The following DCAF6 variants were observed in gnomAD, a reference collection of about 807,000 sequenced individuals.
DCAF6 encodes DDB1 and CUL4 associated factor 6.
A neutral mutation model predicts 125.1 loss-of-function variants in DCAF6; 54 were observed. The ratio of observed to expected loss-of-function variants is 0.43; its 90% CI spans 0.35 to 0.54. The LOEUF (loss-of-function observed/expected upper bound fraction) is 0.54. DCAF6 is among the 20% of genes least tolerant of loss of function. The pLI is 0.01. For missense variants in DCAF6, 934 were observed against 1,161.7 expected, an observed-to-expected ratio of 0.80 and a Z score of 2.85; for synonymous variants, 371 against 390.4, an observed-to-expected ratio of 0.95 and a Z score of 0.58.
At chr1:167,936,047 G>A (rs984514219), upstream of DCAF6, 2 of 592,836 alleles carry the variant, frequency 3.4e-6, no homozygotes, top group Admixed American at 6.0e-5. Flanking sequence ...GGCGGAGGCT[G>A]CCGACTGCCA....
At chr1:167,902,128 T>A in the DCAF6 span, 3 of 1,408,464 alleles carry the variant, frequency 2.1e-6, no homozygotes, top group East Asian at 2.3e-5. Flanking sequence ...TCTTTCTTAG[T>A]GGAATAGAAA....
At chr1:167,952,453 T>A (rs1405505372) in intron 2 of DCAF6, among the ~76,000 whole-genome samples, 1 of 152,084 alleles carries the variant, frequency 6.6e-6, no homozygotes, top group Non-Finnish European at 1.5e-5. Context: ...TCTGACCTCG[T>A]GATCCTCCTG....
chr1:168,004,701 A>G lies in DCAF6; in HGVS notation c.1286A>G (p.Glu429Gly), dbSNP rs1339954880. The change falls in exon 10 of 22, where the codon GAA (glutamate) becomes GGA (glycine). Residue 429 changes from glutamate (E) to glycine (G), a missense_variant. By Grantham distance (98) the Glu-to-Gly change is moderately conservative (BLOSUM62 -2). Transcript: ENST00000367840. ...AQAHSTSSPT[E>G]SPHSTPLLSS... ...GCTCATTCGACATCATCTCCCACAGAAAGCCCTCATTCTACTCCTTTGCTA... is the reference window on the plus strand; with the variant it reads ...GCTCATTCGACATCATCTCCCACAGGAAGCCCTCATTCTACTCCTTTGCTA... 1 of 1,614,052 alleles carries G rather than the reference A, an allele frequency of 6.2e-7. No individual in the cohort carries two copies. The highest frequency in any genetic ancestry group is 1.3e-5 in the African/African-American group (1 of 75,054).
the DCAF6 span, among the ~76,000 whole-genome samples, chr1:167,912,812 T>C: frequency 1.3e-5 from 2 of 152,230 alleles, no homozygotes; most frequent in Non-Finnish European, 2.9e-5. Flanking sequence ...CAATTCTACA[T>C]AGGTTGCCTC....
At chr1:167,899,925 A>G in the DCAF6 span, among the ~76,000 whole-genome samples, 2 of 152,218 alleles carry the variant, frequency 1.3e-5, no homozygotes, top group Non-Finnish European at 2.9e-5. Flanking sequence ...AATTATGTAT[A>G]CTTAAGGGCA....
chr1:168,048,220 C>T (rs1465785061), intron 16 of DCAF6, among the ~76,000 whole-genome samples: 1 of 152,122 alleles, frequency 6.6e-6, no homozygotes, highest in African/African-American at 2.4e-5. Context: ...GAAATGCCCA[C>T]CTAAAAGGAT....
intron 4 of DCAF6, among the ~76,000 whole-genome samples, chr1:167,976,940 G>A (rs1187582613): frequency 1.1e-5 from 1 of 89,490 alleles, no homozygotes; most frequent in East Asian, 4.1e-4. Flanking sequence ...TTTCGCTCTT[G>A]TTGCCCAGGC....
the DCAF6 span, among the ~76,000 whole-genome samples, chr1:167,905,928 C>T: frequency 0.014 from 2,067 of 152,302 alleles, 42 homozygotes; most frequent in African/African-American, 0.039. Context: ...TCATGCTCTA[C>T]CAGCCTGAAC....
intron 17 of DCAF6, among the ~76,000 whole-genome samples, chr1:168,056,966 A>G (rs895667247): frequency 1.1e-4 from 17 of 152,208 alleles, no homozygotes; most frequent in Non-Finnish European, 1.8e-4. Context: ...TTCGCCAGCT[A>G]TAATTCTAGT....
intron 3 of DCAF6, among the ~76,000 whole-genome samples, chr1:167,972,690 G>A (rs935676266): frequency 6.6e-6 from 1 of 152,098 alleles, no homozygotes; most frequent in African/African-American, 2.4e-5. Context: ...AGCAGATGAG[G>A]GAAAGAAAAA....
the DCAF6 span, among the ~76,000 whole-genome samples, chr1:167,920,990 C>T: frequency 6.6e-6 from 1 of 151,972 alleles, no homozygotes; most frequent in Non-Finnish European, 1.5e-5. Context: ...TGTCAGGAAC[C>T]ACTAACCACT....
At chr1:168,043,594 T>C (rs2101789388) in intron 14 of DCAF6, among the ~76,000 whole-genome samples, 1 of 152,290 alleles carries the variant, frequency 6.6e-6, no homozygotes, top group Non-Finnish European at 1.5e-5. Context: ...TAATAGAATA[T>C]TTTTATATGA....
chr1:167,867,606 A>G, the DCAF6 span, among the ~76,000 whole-genome samples: 6 of 152,192 alleles, frequency 3.9e-5, no homozygotes, highest in African/African-American at 1.4e-4. Context: ...TAAGCCTCCA[A>G]TGATCACAGT....
At chr1:167,947,511 GTTC>G (rs1254495816) in intron 1 of DCAF6, among the ~76,000 whole-genome samples, 1 of 151,866 alleles carries the variant, frequency 6.6e-6, no homozygotes, top group African/African-American at 2.4e-5. Context: ...TTATTGCTGT[GTTC>G]TTCTTAGCAC....
Position 167,980,690 on chromosome 1 carries a change from G to A in DCAF6, c.438+5675G>A, listed in dbSNP as rs973457948. 4.0e-5 allele frequency among the ~76,000 whole-genome samples: 6 copies of A among 151,414 alleles called. No homozygotes were observed. In the South Asian group the frequency reaches 8.3e-4, roughly 21 times the overall value. On this transcript the variant is annotated intron_variant, in intron 4 of 21. Transcript: ENST00000367840. ...AACATAGGATTTCTTTATATATTCC[G>A]AATATTATGTTGTTAACATAGGATT...
chr1:167,893,253 G>C, the DCAF6 span, among the ~76,000 whole-genome samples: 1 of 152,154 alleles, frequency 6.6e-6, no homozygotes, highest in African/African-American at 2.4e-5. Flanking sequence ...CATATAGAAA[G>C]GGTGCCCGCA....
intron 5 of DCAF6, 57 bp downstream of exon 5, chr1:167,987,665 T>A: frequency 1.1e-6 from 1 of 871,264 alleles, no homozygotes; most frequent in East Asian, 2.7e-5. Context: ...ATAATTAAAA[T>A]TGGTTATAAT....
chr1:167,971,690 C>A (rs1166272029), intron 3 of DCAF6, among the ~76,000 whole-genome samples: 1 of 152,144 alleles, frequency 6.6e-6, no homozygotes, highest in Non-Finnish European at 1.5e-5. Flanking sequence ...GTATAGTAAT[C>A]ATTGCAATTA....
intron 3 of DCAF6, among the ~76,000 whole-genome samples, chr1:167,971,326 T>A (rs1677267217): frequency 6.6e-6 from 1 of 152,230 alleles, no homozygotes; most frequent in Non-Finnish European, 1.5e-5. Flanking sequence ...AGATGGCAAC[T>A]TCTTTGAGAT....
Sources: allele counts gnomAD v4.1 joint callset (sites outside exome capture counted in the v4.1 genomes callset), GRCh38; gene constraint gnomAD v4.1.1; transcripts MANE v1.5; gene names NCBI Gene and HGNC (gene_info 2026-07-23, HGNC 2026-07-21).